The following CDIN1 variants were observed in gnomAD, a reference collection of about 807,000 sequenced individuals.
The protein encoded by CDIN1 is CDAN1 interacting nuclease 1, also known as CDAN1-interacting nuclease 1.
Under a neutral mutation model 45.3 loss-of-function variants are expected in CDIN1, and 33 were observed. That is an observed-to-expected ratio of 0.73 (90% CI 0.55 to 0.97). CDIN1 has a LOEUF of 0.97. CDIN1 is among the 50% of genes least tolerant of loss of function. CDIN1 has a pLI of 0.00. For missense variants in CDIN1, 303 were observed against 339.4 expected, an observed-to-expected ratio of 0.89 and a Z score of 0.84; for synonymous variants, 118 against 124.4, an observed-to-expected ratio of 0.95 and a Z score of 0.34.
intron 10 of CDIN1, among the ~76,000 whole-genome samples, chr15:36,774,455 A>G (rs1427603633): frequency 6.6e-6 from 1 of 152,174 alleles, no homozygotes; most frequent in Non-Finnish European, 1.5e-5. Flanking sequence ...AGGACAGTCT[A>G]AAATAAATTG....
At chr15:36,720,108 G>A (rs758035059) in intron 10 of CDIN1, among the ~76,000 whole-genome samples, 3 of 149,846 alleles carry the variant, frequency 2.0e-5, no homozygotes, top group South Asian at 4.2e-4. Context: ...TCTTTCATTG[G>A]TGTGTAATCA....
intron 1 of CDIN1, among the ~76,000 whole-genome samples, chr15:36,614,673 C>T (rs1349858541): frequency 6.6e-6 from 1 of 152,064 alleles, no homozygotes; most frequent in Non-Finnish European, 1.5e-5. Flanking sequence ...CAAACAGAGC[C>T]CAGGGAAAGA....
At chr15:36,606,990 T>G (rs2038407606) in intron 1 of CDIN1, among the ~76,000 whole-genome samples, 2 of 152,218 alleles carry the variant, frequency 1.3e-5, no homozygotes, top group African/African-American at 4.8e-5. Context: ...GTTGATTTAT[T>G]AACTCTCTAC....
intron 9 of CDIN1, 100 bp from the exon 10 acceptor site, chr15:36,709,756 C>A: frequency 1.2e-6 from 1 of 833,204 alleles, no homozygotes; most frequent in Non-Finnish European, 2.1e-6. Context: ...AGGGCTAAGC[C>A]TGTGCTCATT....
chr15:36,759,480 G>A (rs4924095), intron 10 of CDIN1, among the ~76,000 whole-genome samples: 80,222 of 151,812 alleles, frequency 0.53, 22,196 homozygotes, highest in East Asian at 0.93. Flanking sequence ...GTGGAAGAAA[G>A]TCTTTTAATT....
intron 10 of CDIN1, among the ~76,000 whole-genome samples, chr15:36,732,743 CAG>C (rs1029625623): frequency 1.4e-4 from 21 of 151,946 alleles, no homozygotes; most frequent in Admixed American, 2.6e-4. Context: ...TAAAAAAAGT[CAG>C]GGGAATTATC....
At chr15:36,646,000 T>C (rs1049036286) in intron 3 of CDIN1, among the ~76,000 whole-genome samples, 6 of 152,138 alleles carry the variant, frequency 3.9e-5, no homozygotes, top group Non-Finnish European at 5.9e-5. Flanking sequence ...TGTATTGTCA[T>C]TGTAATATGA....
At position 36,802,074 on chromosome 15, in the gene CDIN1, T is replaced by C. The variant is rs796625360; in HGVS notation, c.717-6250T>C. Among the ~76,000 whole-genome samples the C allele has an allele frequency of 5.3e-5, 8 of 152,166 alleles. No individual in the cohort carries two copies. The East Asian group carries it at 1.2e-3, about 22-fold the overall frequency. ...GTCAAATGACTGTTATAGAATGCTA[T>C]ATAAACACAAGGTATAATGAGACAG... On this transcript the variant is annotated intron_variant, in intron 10 of 10. Transcript: ENST00000566621.
At chr15:36,785,651 T>G (rs751043797) in intron 10 of CDIN1, among the ~76,000 whole-genome samples, 1 of 152,200 alleles carries the variant, frequency 6.6e-6, no homozygotes, top group Non-Finnish European at 1.5e-5. Context: ...TGCTCTCCAG[T>G]GACCCAGGGA....
Position 36,691,688 on chromosome 15 carries a change from C to T in CDIN1, c.350C>T (p.Ser117Phe), listed in dbSNP as rs780971667. ...GTTCATCTCTTTTCTTCTACAGCCT[C>T]CAAGTCTATTATAAATAGTATGCTA... ...FLQEHEETPPSKSIINSMLRD... is the reference protein window; with the variant it reads ...FLQEHEETPPFKSIINSMLRD... Residue 117 changes from serine (S) to phenylalanine (F), a missense_variant, in exon 6 of 11, where the codon TCC (serine) becomes TTC (phenylalanine). By Grantham distance (155) the Ser-to-Phe change is radical. Transcript: ENST00000566621. The T allele has an allele frequency of 6.3e-7, 1 of 1,592,750 alleles. No individual in the cohort carries two copies. The highest frequency in any genetic ancestry group is 1.1e-5 in the South Asian group (1 of 87,824).
chr15:36,607,536 C>T (rs908433239), intron 1 of CDIN1, among the ~76,000 whole-genome samples: 2 of 151,946 alleles, frequency 1.3e-5, no homozygotes, highest in Non-Finnish European at 2.9e-5. Context: ...GAAGTGTGCC[C>T]GCGATCATGA....
At chr15:36,698,748 A>T (rs984847156) in intron 8 of CDIN1, among the ~76,000 whole-genome samples, 1 of 151,428 alleles carries the variant, frequency 6.6e-6, no homozygotes, top group Non-Finnish European at 1.5e-5. Context: ...GCTTAGCACC[A>T]CTCTCTGGGC....
At chr15:36,784,053 A>C (rs1422139684) in intron 10 of CDIN1, among the ~76,000 whole-genome samples, 1 of 152,256 alleles carries the variant, frequency 6.6e-6, no homozygotes, top group Non-Finnish European at 1.5e-5. Flanking sequence ...TAGAATAAGT[A>C]AGCATGCACA....
At chr15:36,628,219 T>TC (rs1177124522) in intron 1 of CDIN1, among the ~76,000 whole-genome samples, 2 of 152,004 alleles carry the variant, frequency 1.3e-5, no homozygotes, top group African/African-American at 4.8e-5. Flanking sequence ...GGTCAGTTTT[T>TC]CCCCCCTGCC....
chr15:36,588,506 G>A (rs1180740990), intron 1 of CDIN1, among the ~76,000 whole-genome samples: 3 of 152,042 alleles, frequency 2.0e-5, no homozygotes, highest in Admixed American at 2.0e-4. Context: ...TTCTACTGAT[G>A]GTTTTGCCAT....
chr15:36,613,723 T>C, intron 1 of CDIN1: 1 of 1,558,674 alleles, frequency 6.4e-7, no homozygotes, highest in Admixed American at 1.7e-5. Context: ...AAAAAGCTGC[T>C]GATGAGAGTG....
chr15:36,647,936 C>T (rs940464748), intron 3 of CDIN1, among the ~76,000 whole-genome samples: 2 of 151,082 alleles, frequency 1.3e-5, no homozygotes, highest in Non-Finnish European at 2.9e-5. Flanking sequence ...GCCTCCCGGG[C>T]TCACGCCATT....
chr15:36,586,003 A>T (rs78003563), intron 1 of CDIN1, among the ~76,000 whole-genome samples: 159 of 152,290 alleles, frequency 1.0e-3, no homozygotes, highest in African/African-American at 3.5e-3. Flanking sequence ...TCATGAGCTC[A>T]TTCAGCCTTA....
At chr15:36,590,080 A>T (rs2037503582) in intron 1 of CDIN1, among the ~76,000 whole-genome samples, 2 of 152,200 alleles carry the variant, frequency 1.3e-5, no homozygotes, top group Admixed American at 6.5e-5. Context: ...GCCAAGGAAC[A>T]GTGACATGGC....
Sources: allele counts gnomAD v4.1 joint callset (sites outside exome capture counted in the v4.1 genomes callset), GRCh38; gene constraint gnomAD v4.1.1; transcripts MANE v1.5; gene names NCBI Gene and HGNC (gene_info 2026-07-23, HGNC 2026-07-21).